CFAP418: variants seen among roughly 807,000 people sequenced by gnomAD.
CFAP418 encodes cilia and flagella associated protein 418.
A neutral mutation model predicts 24.7 loss-of-function variants in CFAP418; 27 were observed. The ratio of observed to expected loss-of-function variants is 1.09; its 90% CI spans 0.81 to 1.51. The LOEUF (loss-of-function observed/expected upper bound fraction) is 1.51. Among genes scored for constraint, CFAP418 ranks in the 40% most tolerant of loss-of-function variants. The pLI, the probability that CFAP418 is intolerant of heterozygous loss-of-function variation, is 0.00. For missense variants in CFAP418, 257 were observed against 255.2 expected (o/e 1.01, Z -0.05); for synonymous variants, 74 against 87.3 (o/e 0.85, Z 0.85).
chr8:95,258,381 C>CAAA (rs61473559), intron 4 of CFAP418, among the ~76,000 whole-genome samples: 15 of 49,524 alleles, frequency 3.0e-4, no homozygotes, highest in Non-Finnish European at 4.0e-4. Context: ...GACTCTGTCT[C>CAAA]AAAAAAAAAA....
intron 1 of CFAP418, among the ~76,000 whole-genome samples, chr8:95,266,511 A>G (rs1811982596): frequency 1.3e-5 from 2 of 152,222 alleles, no homozygotes; most frequent in South Asian, 4.1e-4. Context: ...TTTAACTCTT[A>G]TAAGAGATAC....
At chr8:95,255,111 C>T (rs1430166329) in intron 4 of CFAP418, among the ~76,000 whole-genome samples, 31 of 152,286 alleles carry the variant, frequency 2.0e-4, no homozygotes, top group Admixed American at 2.0e-3. Flanking sequence ...CTTGCCCCTC[C>T]AACTCCCAAG....
chr8:95,252,668 C>T (rs1213754102), intron 4 of CFAP418, among the ~76,000 whole-genome samples: 1 of 152,192 alleles, frequency 6.6e-6, no homozygotes, highest in Non-Finnish European at 1.5e-5. Flanking sequence ...AATATCTCTA[C>T]CGAAGAATAT....
Position 95,259,901 on chromosome 8 carries a change from T to C in CFAP418, c.313A>G (p.Ser105Gly). 1.3e-6 allele frequency: 2 copies of C among 1,596,418 alleles called. No homozygotes were observed. The highest frequency in any genetic ancestry group is 1.7e-6 in the Non-Finnish European group (2 of 1,174,472). ...GAGCTTCCACCAAGGTACACCGGACTGCAACTAGATGTGTTCAACAGATGC... is the reference window on the plus strand; with the variant it reads ...GAGCTTCCACCAAGGTACACCGGACCGCAACTAGATGTGTTCAACAGATGC... ...ASIEGLGKSC[S>G]PVYLGGSSIP... Residue 105 changes from serine to glycine, a missense_variant, in exon 4 of 6, where the codon AGT becomes GGT. Coordinates refer to ENST00000286688, the MANE Select transcript of CFAP418 (RefSeq NM_177965.4).
intron 5 of CFAP418, 51 bp downstream of exon 5, chr8:95,252,137 A>G (rs1377239799): frequency 7.3e-7 from 1 of 1,368,310 alleles, no homozygotes; most frequent in Non-Finnish European, 1.0e-6. Flanking sequence ...CAAAATAGGA[A>G]ATATAAACTA....
intron 1 of CFAP418, among the ~76,000 whole-genome samples, chr8:95,266,330 T>C (rs1811979675): frequency 6.6e-6 from 1 of 152,090 alleles, no homozygotes; most frequent in South Asian, 2.1e-4. Flanking sequence ...CACATCAGTC[T>C]TTTTTAATTT....
At position 95,269,190 on chromosome 8, in the gene CFAP418, C is replaced by T; in HGVS notation, c.-1G>A. 2 of 1,614,056 alleles carry T rather than the reference C, an allele frequency of 1.2e-6. No homozygotes were observed. The highest frequency in any genetic ancestry group is 1.7e-6 in the Non-Finnish European group (2 of 1,179,904). ...AGAGCTCGTCCAGGTCCTCCGCCAT[C>T]TTGAATCGCCTGGCCTTTTCCCCTC... On this transcript the variant is annotated 5_prime_UTR_variant, in exon 1 of 6. Transcript: ENST00000286688.
At chr8:95,249,045 A>G (rs191208320) in intron 5 of CFAP418, among the ~76,000 whole-genome samples, 5 of 152,334 alleles carry the variant, frequency 3.3e-5, no homozygotes, top group Admixed American at 3.3e-4. Context: ...GAAATGAATA[A>G]TCTAAATTTT....
rs1811626383 is a variant in CFAP418, at chr8:95,246,666, A to G, written c.*951T>C. ...GTGCTGCTATTGTAGGGCTCCTCAG[A>G]TCTCAGTGATGTCAGGAAGGAGCCC... On this transcript the variant is annotated 3_prime_UTR_variant, in exon 6 of 6. Coordinates refer to ENST00000286688, the MANE Select transcript of CFAP418 (RefSeq NM_177965.4). 1 of 152,052 alleles carries G rather than the reference A, an allele frequency of 6.6e-6. No individual in the cohort carries two copies. The highest frequency in any genetic ancestry group is 2.4e-5 in the African/African-American group (1 of 41,390). The allele number at this position is 152,052 out of a possible 1,614,324, so 9.4% of individuals were successfully genotyped here. A position where few individuals can be genotyped will look rare whatever the true frequency, so the allele number is the denominator to read the frequency against.
intron 2 of CFAP418, among the ~76,000 whole-genome samples, chr8:95,260,946 T>A (rs1196743580): frequency 6.6e-6 from 1 of 152,232 alleles, no homozygotes; most frequent in Non-Finnish European, 1.5e-5. Flanking sequence ...GTGCGTCATA[T>A]GAATTAAAAT....
rs767055943 is a variant in CFAP418 at position 95,263,697 on chromosome 8, T to C, written c.233A>G (p.Lys78Arg). Residue 78 changes from lysine (K) to arginine (R), a missense_variant, in exon 2 of 6, where the codon AAA becomes AGA. Lys to Arg is a conservative substitution (Grantham distance 26). Coordinates refer to ENST00000286688, the MANE Select transcript of CFAP418 (RefSeq NM_177965.4). ...TAACACTTGACTTACAGAGGGTTTT[T>C]TGTCCAAGTTGGGCTCTTCAAGTAT... ...NEILEEPNLD[K>R]KPSKLKSKSS... is the part of the protein sequence containing the mutation. 1 of 1,597,954 alleles carries C rather than the reference T, an allele frequency of 6.3e-7. No individual in the cohort carries two copies. Among genetic ancestry groups the C allele is most frequent in the South Asian group, 1.1e-5 (1 of 90,596 alleles).
At position 95,253,110 on chromosome 8, in the gene CFAP418, C is replaced by T. The variant is rs1410764127; in HGVS notation, c.375-827G>A. Among the ~76,000 whole-genome samples the T allele has an allele frequency of 2.0e-5, 3 of 152,084 alleles. No individual in the cohort carries two copies. The East Asian group carries it at 5.8e-4, about 29-fold the overall frequency. The stretch of plus-strand genomic sequence containing the variant: ...GGATCACGAGGTCAGGAGATCGAGA[C>T]CATCCTGGCTAACACAGTGAAACCC... On this transcript the variant is annotated intron_variant, in intron 4 of 5. Transcript: ENST00000286688.
intron 2 of CFAP418, among the ~76,000 whole-genome samples, chr8:95,262,659 C>A (rs118045721): frequency 6.6e-6 from 1 of 152,230 alleles, no homozygotes; most frequent in East Asian, 1.9e-4. Flanking sequence ...GATAAAGTCA[C>A]TTTGGAAAAC....
intron 1 of CFAP418, among the ~76,000 whole-genome samples, chr8:95,264,515 G>A (rs1811943327): frequency 6.6e-6 from 1 of 152,142 alleles, no homozygotes; most frequent in South Asian, 2.1e-4. Context: ...TCAGAAATCT[G>A]TTCAAGGTCA....
At chr8:95,257,659 T>C (rs1431538255) in intron 4 of CFAP418, among the ~76,000 whole-genome samples, 2 of 152,224 alleles carry the variant, frequency 1.3e-5, no homozygotes, top group Non-Finnish European at 2.9e-5. Context: ...CTGTCCTATA[T>C]AGCACAATGC....
At chr8:95,261,856 T>C (rs1238979591) in intron 2 of CFAP418, among the ~76,000 whole-genome samples, 2 of 152,214 alleles carry the variant, frequency 1.3e-5, no homozygotes, top group Admixed American at 6.5e-5. Context: ...ATGCACCCTA[T>C]TGGTACTTAA....
At chr8:95,266,346 C>G (rs996391697) in intron 1 of CFAP418, among the ~76,000 whole-genome samples, 1 of 152,090 alleles carries the variant, frequency 6.6e-6, no homozygotes, top group African/African-American at 2.4e-5. Context: ...AATTTTTTTA[C>G]TAATCACATA....
chr8:95,250,090 A>G (rs1811684604), intron 5 of CFAP418, among the ~76,000 whole-genome samples: 1 of 152,182 alleles, frequency 6.6e-6, no homozygotes, highest in Admixed American at 6.6e-5. Context: ...TGAGCCCAGT[A>G]TCTAAGAGTG....
chr8:95,265,318 A>G (rs767975080), intron 1 of CFAP418, among the ~76,000 whole-genome samples: 48 of 152,280 alleles, frequency 3.2e-4, no homozygotes, highest in Admixed American at 1.8e-3. Context: ...AAATTATTTA[A>G]TCTCTCTGAA....
Sources: gnomAD v4.1 joint callset for allele counts (sites outside exome capture counted in the v4.1 genomes callset) on GRCh38, gnomAD v4.1.1 for gene constraint, MANE v1.5 for transcripts, NCBI Gene and HGNC (gene_info 2026-07-23, HGNC 2026-07-21) for gene names.